PRKD1: variants seen among roughly 807,000 people sequenced by gnomAD.
The protein encoded by PRKD1 is serine/threonine-protein kinase D1.
Under a neutral mutation model 95.9 loss-of-function variants are expected in PRKD1, and 63 were observed. The observed-to-expected ratio is 0.66, with a 90% CI of 0.54 to 0.81. The LOEUF (loss-of-function observed/expected upper bound fraction) is 0.81, where lower values mean the gene tolerates loss of function less well. PRKD1 is among the 30% of genes least tolerant of loss of function. PRKD1 has a pLI of 0.00. For missense variants in PRKD1, 1,048 were observed against 1,165.3 expected, an observed-to-expected ratio of 0.90 and a Z score of 1.47; for synonymous variants, 425 against 423.1, an observed-to-expected ratio of 1.00 and a Z score of -0.05.
intron 2 of PRKD1, among the ~76,000 whole-genome samples, chr14:29,699,594 T>C (rs144619759): frequency 4.6e-5 from 7 of 152,318 alleles, no homozygotes; most frequent in African/African-American, 1.2e-4. Flanking sequence ...CCAATTCTTA[T>C]GCTAAAGCTT....
Position 29,875,242 on chromosome 14 carries a change from G to T in PRKD1, c.264+52007C>A, listed in dbSNP as rs191501897. Among the ~76,000 whole-genome samples, 346 of 152,130 alleles carry T rather than the reference G, an allele frequency of 2.3e-3. 2 individuals carry two copies. The highest frequency in any genetic ancestry group is 8.0e-3 in the African/African-American group (332 of 41,494). On this transcript the variant is annotated intron_variant, in intron 1 of 17. Coordinates refer to ENST00000331968, the MANE Select transcript of PRKD1 (RefSeq NM_002742.3). Reference sequence around the variant, plus strand: ...TTTCCCAGAGATAGATAAAATGGTGGGGTGACGGGGAAGTACACAAAAGCC... The same window carrying T: ...TTTCCCAGAGATAGATAAAATGGTGTGGTGACGGGGAAGTACACAAAAGCC...
At chr14:29,777,315 G>A (rs1222197373) in intron 1 of PRKD1, among the ~76,000 whole-genome samples, 1 of 152,056 alleles carries the variant, frequency 6.6e-6, no homozygotes, top group Non-Finnish European at 1.5e-5. Context: ...AATGTAAATG[G>A]GCTAAATAAC....
chr14:29,874,004 GA>G (rs1026741503), intron 1 of PRKD1, among the ~76,000 whole-genome samples: 5 of 152,218 alleles, frequency 3.3e-5, no homozygotes, highest in African/African-American at 1.2e-4. Flanking sequence ...TACATATTAT[GA>G]AAATTTATTT....
intron 1 of PRKD1, among the ~76,000 whole-genome samples, chr14:29,881,966 T>C (rs564754172): frequency 2.0e-5 from 3 of 152,342 alleles, no homozygotes; most frequent in Non-Finnish European, 4.4e-5. Context: ...CATAGTTTTA[T>C]AGTTTTTTAG....
intron 1 of PRKD1, among the ~76,000 whole-genome samples, chr14:29,747,778 C>G (rs776785260): frequency 3.9e-5 from 6 of 152,144 alleles, no homozygotes; most frequent in Non-Finnish European, 8.8e-5. Context: ...CAGTCTCACT[C>G]CATTGTCCAG....
chr14:29,808,373 CTTTTTTTTTTTTTTTTTTTTTT>C (rs34250184), intron 1 of PRKD1, among the ~76,000 whole-genome samples: 235 of 20,012 alleles, frequency 0.012, 2 homozygotes, highest in Middle Eastern at 0.056. Context: ...TCAGGCTCTA[CTTTTTTTTTTTTTTTTTTTTTT>C]TTTTTTTTTT....
intron 1 of PRKD1, among the ~76,000 whole-genome samples, chr14:29,875,309 T>C (rs1893248260): frequency 6.6e-6 from 1 of 152,028 alleles, no homozygotes; most frequent in South Asian, 2.1e-4. Context: ...AGGAATAATA[T>C]GTAAAAAAAT....
At chr14:29,685,139 C>T (rs1883781620) in intron 2 of PRKD1, among the ~76,000 whole-genome samples, 1 of 152,166 alleles carries the variant, frequency 6.6e-6, no homozygotes, top group Non-Finnish European at 1.5e-5. Flanking sequence ...TTGCCATTTC[C>T]CATTCAAAGT....
At chr14:29,597,403 G>A in intron 16 of PRKD1, 88 bp downstream of exon 16, 1 of 1,297,092 alleles carries the variant, frequency 7.7e-7, no homozygotes. Context: ...CATGTATTAA[G>A]TTAATAATTT....
intron 1 of PRKD1, among the ~76,000 whole-genome samples, chr14:29,870,253 C>T (rs1893055241): frequency 6.6e-6 from 1 of 152,162 alleles, no homozygotes; most frequent in South Asian, 2.1e-4. Flanking sequence ...GAGCTGCACA[C>T]AGTTGCATCT....
At chr14:29,603,993 G>A (rs1038622120) in intron 13 of PRKD1, among the ~76,000 whole-genome samples, 8 of 152,074 alleles carry the variant, frequency 5.3e-5, no homozygotes, top group South Asian at 4.1e-4. Flanking sequence ...AGGAAATATC[G>A]TTTGTAGATC....
intron 1 of PRKD1, among the ~76,000 whole-genome samples, chr14:29,728,418 A>G (rs558051375): frequency 6.6e-6 from 1 of 152,316 alleles, no homozygotes; most frequent in Admixed American, 6.5e-5. Context: ...CAAAAGTTTT[A>G]TTGCAATCTA....
chr14:29,823,073 C>T (rs557159177), intron 1 of PRKD1, among the ~76,000 whole-genome samples: 3 of 152,240 alleles, frequency 2.0e-5, no homozygotes, highest in South Asian at 2.1e-4. Flanking sequence ...TGACCTTAGA[C>T]ACGTTGTTTG....
chr14:29,838,762 C>T (rs905004092), intron 1 of PRKD1, among the ~76,000 whole-genome samples: 7 of 151,994 alleles, frequency 4.6e-5, no homozygotes. Context: ...GCATAAATTT[C>T]AAAATTTTTG....
intron 13 of PRKD1, among the ~76,000 whole-genome samples, chr14:29,613,173 A>G (rs1878599688): frequency 6.6e-6 from 1 of 152,244 alleles, no homozygotes; most frequent in Non-Finnish European, 1.5e-5. Context: ...TAGATGAAAC[A>G]ACAAAAATAT....
chr14:29,671,104 C>T (rs1211408804), intron 2 of PRKD1, among the ~76,000 whole-genome samples: 2 of 151,974 alleles, frequency 1.3e-5, no homozygotes, highest in East Asian at 1.9e-4. Context: ...GATAGGTTGA[C>T]TAGGCAGCTC....
At chr14:29,677,806 C>A (rs558012146) in intron 2 of PRKD1, among the ~76,000 whole-genome samples, 1 of 152,298 alleles carries the variant, frequency 6.6e-6, no homozygotes, top group East Asian at 1.9e-4. Context: ...CTCAGGTGAT[C>A]CACCAGCCTT....
At chr14:29,880,925 T>C (rs1394618506) in intron 1 of PRKD1, among the ~76,000 whole-genome samples, 1 of 152,216 alleles carries the variant, frequency 6.6e-6, no homozygotes, top group African/African-American at 2.4e-5. Context: ...TGTACTCCCA[T>C]TATATCTAGG....
intron 13 of PRKD1, among the ~76,000 whole-genome samples, chr14:29,619,180 A>C (rs966398460): frequency 6.6e-6 from 1 of 151,670 alleles, no homozygotes; most frequent in Non-Finnish European, 1.5e-5. Context: ...TTTTTTTTTA[A>C]CAGATGAGAG....
Sources: gnomAD v4.1 joint callset for allele counts (sites outside exome capture counted in the v4.1 genomes callset) on GRCh38, gnomAD v4.1.1 for gene constraint, MANE v1.5 for transcripts, NCBI Gene and HGNC (gene_info 2026-07-23, HGNC 2026-07-21) for gene names.